Variants in TENM4 observed in about 807,000 individuals in gnomAD.
TENM4 encodes teneurin transmembrane protein 4.
A neutral mutation model predicts 243.3 loss-of-function variants in TENM4; 82 were observed. That is an observed-to-expected ratio of 0.34 (90% CI 0.28 to 0.40). The LOEUF is 0.40. Among genes scored for constraint, TENM4 ranks in the 10% least tolerant of loss-of-function variants. The probability of loss-of-function intolerance (pLI) is 1.00; values close to 1 mark genes in which losing one functional copy is unlikely to be tolerated. For missense variants in TENM4, 3,138 were observed against 3,673.3 expected, an observed-to-expected ratio of 0.85 and a Z score of 3.77; for synonymous variants, 1,412 against 1,456.3, an observed-to-expected ratio of 0.97 and a Z score of 0.69.
intron 1 of TENM4, among the ~76,000 whole-genome samples, chr11:79,431,023 G>A (rs553331746): frequency 2.0e-4 from 30 of 152,220 alleles, no homozygotes; most frequent in Non-Finnish European, 3.1e-4. Context: ...GGGACGCACC[G>A]TTGCCAATTT....
At chr11:78,689,975 C>T (rs1421735837) in intron 28 of TENM4, among the ~76,000 whole-genome samples, 3 of 152,158 alleles carry the variant, frequency 2.0e-5, no homozygotes, top group South Asian at 2.1e-4. Flanking sequence ...GCTGTGGCCT[C>T]GAATACACTC....
At chr11:79,360,673 A>C (rs1857573956) in intron 1 of TENM4, among the ~76,000 whole-genome samples, 1 of 152,176 alleles carries the variant, frequency 6.6e-6, no homozygotes, top group Non-Finnish European at 1.5e-5. Flanking sequence ...AGACTGTCAG[A>C]TTTTTAGCCG....
chr11:78,741,177 T>G lies in TENM4; in HGVS notation c.2757-2607A>C, dbSNP rs115021555. On this transcript the variant is annotated intron_variant, in intron 19 of 33. Coordinates refer to ENST00000278550, the MANE Select transcript of TENM4 (RefSeq NM_001098816.3). ...TGGTGGGGGCCTCTGAATTGTGTCT[T>G]GTGCCACATGCATTTGTCCTGGGAG... is the stretch of plus-strand genomic sequence containing the variant. 1.2e-3 allele frequency among the ~76,000 whole-genome samples: 182 copies of G among 152,284 alleles called. 2 individuals carry two copies. Among genetic ancestry groups the G allele is most frequent in the African/African-American group, 4.2e-3 (175 of 41,564 alleles).
chr11:79,006,442 C>G (rs931508669), intron 6 of TENM4, among the ~76,000 whole-genome samples: 7 of 152,200 alleles, frequency 4.6e-5, no homozygotes, highest in African/African-American at 1.7e-4. Context: ...CAGGAAAGTA[C>G]AGGGCAGGCT....
intron 1 of TENM4, among the ~76,000 whole-genome samples, chr11:79,352,387 G>A (rs550964261): frequency 6.6e-6 from 1 of 152,308 alleles, no homozygotes; most frequent in African/African-American, 2.4e-5. Context: ...GAGGCTTTGG[G>A]TTCCCATGGA....
At chr11:78,811,774 G>A (rs956159441) in intron 14 of TENM4, among the ~76,000 whole-genome samples, 1 of 152,142 alleles carries the variant, frequency 6.6e-6, no homozygotes, top group African/African-American at 2.4e-5. Flanking sequence ...ATGTGTCCTT[G>A]GGCAAGTTAT....
At chr11:79,418,651 G>C (rs1311416534) in intron 1 of TENM4, among the ~76,000 whole-genome samples, 3 of 152,214 alleles carry the variant, frequency 2.0e-5, no homozygotes, top group Non-Finnish European at 4.4e-5. Context: ...TGGTCACCCT[G>C]GTGAACTCTG....
At chr11:78,898,967 G>A (rs368633334) in intron 7 of TENM4, among the ~76,000 whole-genome samples, 1 of 152,140 alleles carries the variant, frequency 6.6e-6, no homozygotes, top group East Asian at 1.9e-4. Context: ...ATCTTAATAT[G>A]TTTGTTACAA....
chr11:79,083,912 AT>A (rs1366383408), intron 4 of TENM4, among the ~76,000 whole-genome samples: 3 of 152,212 alleles, frequency 2.0e-5, no homozygotes, highest in Non-Finnish European at 4.4e-5. Flanking sequence ...GTAGGAGAAA[AT>A]TTTTGCAAAC....
intron 11 of TENM4, among the ~76,000 whole-genome samples, chr11:78,855,618 G>T (rs916310869): frequency 5.3e-5 from 8 of 152,166 alleles, no homozygotes; most frequent in African/African-American, 1.9e-4. Flanking sequence ...TGGAGCCAAG[G>T]TTACAATGCT....
chr11:79,265,476 C>T (rs1486508418), intron 2 of TENM4, among the ~76,000 whole-genome samples: 2 of 152,124 alleles, frequency 1.3e-5, no homozygotes, highest in Non-Finnish European at 2.9e-5. Flanking sequence ...AATTTTTAAA[C>T]AAATTACATG....
At chr11:78,787,397 AC>A (rs2136039792) in intron 15 of TENM4, among the ~76,000 whole-genome samples, 1 of 152,238 alleles carries the variant, frequency 6.6e-6, no homozygotes, top group South Asian at 2.1e-4. Flanking sequence ...CTTCTTGCCA[AC>A]CTGTCCCTGC....
rs1284595959 is a variant in TENM4 at position 78,729,620 on chromosome 11, G to A, written c.3162C>T (p.Ile1054=). Residue 1054 remains isoleucine, a synonymous_variant, in exon 22 of 34, where the codon ATC becomes ATT. Transcript: ENST00000278550. The part of the protein sequence containing the change: ...EIQALQEEIS[I]SGCKMRLSYL... ...AGCTCAGCCTCATCTTGCAGCCAGA[G>A]ATAGAGATTTCCTCCTGCAAAGCCT... The A allele has an allele frequency of 6.8e-6, 11 of 1,611,662 alleles. No individual in the cohort carries two copies. The highest frequency in any genetic ancestry group is 1.3e-5 in the African/African-American group (1 of 74,988).
At chr11:78,992,055 T>C (rs1262004068) in intron 6 of TENM4, among the ~76,000 whole-genome samples, 1 of 152,262 alleles carries the variant, frequency 6.6e-6, no homozygotes. Context: ...AAGGTAGATC[T>C]ATTCAAAAGA....
chr11:79,251,399 T>C (rs1325962102), intron 2 of TENM4, among the ~76,000 whole-genome samples: 1 of 152,252 alleles, frequency 6.6e-6, no homozygotes, highest in Non-Finnish European at 1.5e-5. Context: ...AGTTCAAATT[T>C]ATATCACCCG....
chr11:78,882,133 G>A (rs1466053660), intron 9 of TENM4, among the ~76,000 whole-genome samples: 1 of 152,172 alleles, frequency 6.6e-6, no homozygotes, highest in Admixed American at 6.5e-5. Context: ...GGGAAAATGA[G>A]CCTTACTGCA....
chr11:79,273,360 G>A (rs906323918), intron 2 of TENM4, among the ~76,000 whole-genome samples: 3 of 152,134 alleles, frequency 2.0e-5, no homozygotes, highest in Admixed American at 2.0e-4. Flanking sequence ...TTTCTCCCTG[G>A]AGAGTTACTG....
intron 4 of TENM4, among the ~76,000 whole-genome samples, chr11:79,074,731 G>C (rs1301827667): frequency 6.6e-6 from 1 of 152,210 alleles, no homozygotes; most frequent in Non-Finnish European, 1.5e-5. Flanking sequence ...GATGGGGGCA[G>C]GGTCACATTA....
intron 23 of TENM4, among the ~76,000 whole-genome samples, chr11:78,723,675 C>A (rs645848): frequency 0.066 from 10,099 of 152,298 alleles, 422 homozygotes; most frequent in Middle Eastern, 0.13. Flanking sequence ...TCTTTTTAGT[C>A]TGGATCTTCC....
Sources: gnomAD v4.1 joint callset for allele counts (sites outside exome capture counted in the v4.1 genomes callset) on GRCh38, gnomAD v4.1.1 for gene constraint, MANE v1.5 for transcripts, NCBI Gene and HGNC (gene_info 2026-07-23, HGNC 2026-07-21) for gene names.